Variants in MAN1A2 observed in about 807,000 individuals in gnomAD.
The protein encoded by MAN1A2 is mannosyl-oligosaccharide 1,2-alpha-mannosidase IB.
MAN1A2 carries 26 observed loss-of-function variants against 75.7 expected under a neutral mutation model. That is an observed-to-expected ratio of 0.34 (90% CI 0.25 to 0.48). The LOEUF is 0.48. MAN1A2 is among the 20% of genes least tolerant of loss of function. The probability of loss-of-function intolerance (pLI) is 0.99; values close to 1 mark genes in which losing one functional copy is unlikely to be tolerated. For missense variants in MAN1A2, 562 were observed against 775.5 expected (o/e 0.72, Z 3.27); for synonymous variants, 247 against 264.6 (o/e 0.93, Z 0.65).
intron 6 of MAN1A2, 83 bp downstream of exon 6, chr1:117,442,408 A>AT (rs34782879): frequency 7.9e-5 from 64 of 815,120 alleles, no homozygotes; most frequent in Middle Eastern, 2.4e-4. Context: ...TCACCCCCAC[A>AT]TTTTTTTTAA....
chr1:117,466,527 C>G (rs555754410), intron 8 of MAN1A2, 100 bp downstream of exon 8: 1 of 693,018 alleles, frequency 1.4e-6, no homozygotes, highest in Non-Finnish European at 2.4e-6. Context: ...GTTAGAAACC[C>G]TCAGTGTCTA....
intron 1 of MAN1A2, among the ~76,000 whole-genome samples, chr1:117,374,708 A>G (rs1002747093): frequency 6.6e-6 from 1 of 152,134 alleles, no homozygotes; most frequent in Non-Finnish European, 1.5e-5. Context: ...CTGTGCCTCG[A>G]TGTTCTTATT....
intron 1 of MAN1A2, among the ~76,000 whole-genome samples, chr1:117,394,586 G>GT (rs1363493995): frequency 2.0e-5 from 3 of 152,134 alleles, no homozygotes; most frequent in African/African-American, 7.2e-5. Context: ...TTCTTCTTCT[G>GT]TTTCTACTGA....
chr1:117,425,411 C>G (rs1648332348), intron 5 of MAN1A2, among the ~76,000 whole-genome samples: 1 of 152,120 alleles, frequency 6.6e-6, no homozygotes, highest in Non-Finnish European at 1.5e-5. Flanking sequence ...AACTATAGAT[C>G]AGTATCTCAT....
chr1:117,371,809 A>G (rs955298359), intron 1 of MAN1A2, among the ~76,000 whole-genome samples: 1 of 151,464 alleles, frequency 6.6e-6, no homozygotes, highest in African/African-American at 2.4e-5. Context: ...TTCATGTTAA[A>G]GTCTGGATTT....
rs115411351 is a variant in MAN1A2 at position 117,516,821 on chromosome 1, T to A, written c.1794-6004T>A. On this transcript the variant is annotated intron_variant, in intron 12 of 12. Coordinates refer to ENST00000356554, the MANE Select transcript of MAN1A2 (RefSeq NM_006699.5). The stretch of plus-strand genomic sequence containing the variant: ...TGTGGGGAAACTAAGGTAGCTAGAA[T>A]TCACAGGACAGTACCAGAGAGAAGA... Among the ~76,000 whole-genome samples the A allele has an allele frequency of 1.2e-3, 178 of 152,104 alleles. 1 individual carries two copies. Among genetic ancestry groups the A allele is most frequent in the African/African-American group, 4.1e-3 (169 of 41,504 alleles).
chr1:117,514,361 CAAAA>C lies in MAN1A2; in HGVS notation c.1794-8453_1794-8450del, dbSNP rs11335667. 4.7e-3 allele frequency among the ~76,000 whole-genome samples: 660 copies of C among 139,282 alleles called. 6 individuals carry two copies. The highest frequency in any genetic ancestry group is 0.017 in the African/African-American group (629 of 36,910). The allele number at this position is 139,282 out of a possible 152,430, so 91.4% of individuals were successfully genotyped here. Reference sequence around the variant, plus strand: ...TGGGGGACACAGCAAGACTCCATCTCAAAAAAAAAAAAAAGAAGAAAAAGAAAGT... The same window carrying C: ...TGGGGGACACAGCAAGACTCCATCTCAAAAAAAAAAGAAGAAAAAGAAAGT... On this transcript the variant is annotated intron_variant, in intron 12 of 12. Transcript: ENST00000356554.
intron 1 of MAN1A2, among the ~76,000 whole-genome samples, chr1:117,395,916 G>A (rs1480048106): frequency 6.6e-6 from 1 of 152,174 alleles, no homozygotes; most frequent in Non-Finnish European, 1.5e-5. Flanking sequence ...AATCAGCCAA[G>A]GGAAGAAACA....
chr1:117,501,590 C>T (rs1474432032), intron 11 of MAN1A2, among the ~76,000 whole-genome samples: 3 of 151,736 alleles, frequency 2.0e-5, no homozygotes, highest in Non-Finnish European at 2.9e-5. Context: ...TTTGATAGTT[C>T]ATGTGGTGGT....
intron 4 of MAN1A2, among the ~76,000 whole-genome samples, chr1:117,418,134 T>C (rs1165296977): frequency 6.6e-6 from 1 of 152,174 alleles, no homozygotes; most frequent in Non-Finnish European, 1.5e-5. Flanking sequence ...TCCCAAGTTA[T>C]ATTTTAAACT....
chr1:117,510,736 G>C (rs1001365434), intron 12 of MAN1A2, among the ~76,000 whole-genome samples: 4 of 152,020 alleles, frequency 2.6e-5, no homozygotes, highest in Non-Finnish European at 4.4e-5. Context: ...CCTGATGTGT[G>C]CCAGCTGTTT....
Position 117,524,152 on chromosome 1 carries a change from AAT to A in MAN1A2, c.*1197_*1198del, listed in dbSNP as rs1258397743. ...TATTTATAGAATTCCAAAGAATCAG[AAT>A]AGTTTCAAAATAATTTTCAGTGATA... On this transcript the variant is annotated 3_prime_UTR_variant, in exon 13 of 13. Transcript: ENST00000356554. 1.3e-5 allele frequency: 2 copies of A among 152,224 alleles called. No individual in the cohort carries two copies. Among genetic ancestry groups the A allele is most frequent in the African/African-American group, 4.8e-5 (2 of 41,408 alleles). The allele number at this position is 152,224 out of a possible 1,614,324, so 9.4% of individuals were successfully genotyped here. A position where few individuals can be genotyped will look rare whatever the true frequency, so the allele number is the denominator to read the frequency against.
intron 1 of MAN1A2, among the ~76,000 whole-genome samples, chr1:117,384,031 A>G (rs1653440706): frequency 6.6e-6 from 1 of 152,082 alleles, no homozygotes; most frequent in Admixed American, 6.6e-5. Context: ...CTTCTTTGTC[A>G]TCTAACCAGA....
intron 1 of MAN1A2, among the ~76,000 whole-genome samples, chr1:117,396,116 A>G (rs1038121808): frequency 8.5e-5 from 13 of 152,204 alleles, no homozygotes; most frequent in African/African-American, 2.4e-4. Context: ...TGATTACTCA[A>G]TTACCTGTAT....
At chr1:117,432,362 G>A (rs761742787) in intron 5 of MAN1A2, among the ~76,000 whole-genome samples, 1 of 151,762 alleles carries the variant, frequency 6.6e-6, no homozygotes, top group Non-Finnish European at 1.5e-5. Flanking sequence ...CCACAGAATT[G>A]ATAAATCTTT....
At chr1:117,458,292 C>G (rs574528702) in intron 6 of MAN1A2, among the ~76,000 whole-genome samples, 2 of 151,658 alleles carry the variant, frequency 1.3e-5, no homozygotes, top group Admixed American at 1.3e-4. Flanking sequence ...TTCTTTGATT[C>G]TCACTTCTAG....
At chr1:117,484,996 C>T in intron 8 of MAN1A2, among the ~76,000 whole-genome samples, 1 of 151,900 alleles carries the variant, frequency 6.6e-6, no homozygotes, top group East Asian at 1.9e-4. Flanking sequence ...TAAGTGGATC[C>T]ACGCAGTTCA....
intron 8 of MAN1A2, among the ~76,000 whole-genome samples, chr1:117,487,544 G>A (rs546622129): frequency 7.2e-5 from 11 of 152,040 alleles, no homozygotes; most frequent in Non-Finnish European, 1.2e-4. Flanking sequence ...ATGATTTTAC[G>A]CAGTTGATGT....
At chr1:117,458,523 A>AGATATAGATT (rs372300456) in intron 6 of MAN1A2, among the ~76,000 whole-genome samples, 1 of 105,610 alleles carries the variant, frequency 9.5e-6, no homozygotes, top group Admixed American at 9.7e-5. Flanking sequence ...ATATATATAT[A>AGATATAGATT]TTTTTTTTTT....
Sources: allele counts gnomAD v4.1 joint callset (sites outside exome capture counted in the v4.1 genomes callset), GRCh38; gene constraint gnomAD v4.1.1; transcripts MANE v1.5; gene names NCBI Gene and HGNC (gene_info 2026-07-23, HGNC 2026-07-21).